The following DYM variants were observed in gnomAD, a reference collection of about 807,000 sequenced individuals.
DYM encodes the protein dyggve-Melchior-Clausen syndrome protein.
Under a neutral mutation model 93.1 loss-of-function variants are expected in DYM, and 78 were observed. The ratio of observed to expected loss-of-function variants is 0.84; its 90% CI spans 0.70 to 1.01. DYM has a LOEUF of 1.01. DYM is among the 50% of genes least tolerant of loss of function. The pLI is 0.00. For missense variants in DYM, 789 were observed against 845.0 expected (o/e 0.93, Z 0.82); for synonymous variants, 321 against 319.7 (o/e 1.00, Z -0.04).
At chr18:49,407,138 T>C (rs916744750) in intron 2 of DYM, among the ~76,000 whole-genome samples, 1 of 152,170 alleles carries the variant, frequency 6.6e-6, no homozygotes, top group Non-Finnish European at 1.5e-5. Context: ...ATAATATTGC[T>C]GAAATAAAAC....
intron 1 of DYM, among the ~76,000 whole-genome samples, chr18:49,441,189 AT>A (rs2081493356): frequency 2.7e-5 from 1 of 36,490 alleles, no homozygotes; most frequent in Non-Finnish European, 4.6e-5. Flanking sequence ...ATATTTATAT[AT>A]AATATATTAT....
At chr18:49,055,156 G>A (rs2075364183) in intron 17 of DYM, among the ~76,000 whole-genome samples, 1 of 152,280 alleles carries the variant, frequency 6.6e-6, no homozygotes, top group East Asian at 1.9e-4. Flanking sequence ...TGGGGTGGGG[G>A]TTGCTGGAAC....
chr18:49,258,835 C>CAGAGAG, intron 11 of DYM, among the ~76,000 whole-genome samples: 1 of 140,450 alleles, frequency 7.1e-6, no homozygotes, highest in Non-Finnish European at 1.5e-5. Context: ...GACACACACA[C>CAGAGAG]ACACAGAGAG....
intron 13 of DYM, among the ~76,000 whole-genome samples, chr18:49,232,600 C>T (rs528594114): frequency 7.6e-6 from 1 of 131,744 alleles, no homozygotes; most frequent in Non-Finnish European, 1.6e-5. Context: ...CTGTGCCCGG[C>T]CTCTTTTTTT....
In DYM at chr18:49,319,093, C is replaced by T. The variant is rs183717051; in HGVS notation, c.763+12771G>A. Among the ~76,000 whole-genome samples the T allele has an allele frequency of 1.1e-3, 162 of 152,186 alleles. 1 individual carries two copies. The highest frequency in any genetic ancestry group is 1.0e-3 in the South Asian group (5 of 4,818). ...GTGCTGGGATTACAGGCGTGAGCCA[C>T]GCAACCGGCCATAAATAGGTAACAT... is the stretch of plus-strand genomic sequence containing the variant. On this transcript the variant is annotated intron_variant, in intron 8 of 17. Coordinates refer to ENST00000675505, the MANE Select transcript of DYM (RefSeq NM_001353214.3).
In DYM at chr18:49,043,884, C is replaced by A; in HGVS notation, c.*171G>T. 1.3e-6 allele frequency: 1 copy of A among 762,430 alleles called. No individual in the cohort carries two copies. Among genetic ancestry groups the A allele is most frequent in the Admixed American group, 2.3e-5 (1 of 42,962 alleles). The allele number at this position is 762,430 out of a possible 1,614,324, so 47.2% of individuals were successfully genotyped here. A position where few individuals can be genotyped will look rare whatever the true frequency, so the allele number is the denominator to read the frequency against. ...ACTATCTACGCTGAGTTATCTATTG[C>A]CAACTAGCACCAATTCTCCAAATCA... is the stretch of plus-strand genomic sequence containing the variant. On this transcript the variant is annotated 3_prime_UTR_variant, in exon 18 of 18. Coordinates refer to ENST00000675505, the MANE Select transcript of DYM (RefSeq NM_001353214.3).
intron 16 of DYM, among the ~76,000 whole-genome samples, chr18:49,114,813 C>T (rs2081778755): frequency 6.6e-6 from 1 of 152,050 alleles, no homozygotes; most frequent in Non-Finnish European, 1.5e-5. Context: ...TATCAATTGC[C>T]TGGTTACTAA....
At chr18:49,355,881 G>A (rs956529668) in intron 6 of DYM, among the ~76,000 whole-genome samples, 2 of 152,064 alleles carry the variant, frequency 1.3e-5, no homozygotes, top group Admixed American at 6.5e-5. Flanking sequence ...TGAAGGTAAA[G>A]GTTTATATAA....
At chr18:49,438,835 G>A (rs907356779) in intron 1 of DYM, among the ~76,000 whole-genome samples, 8 of 152,288 alleles carry the variant, frequency 5.3e-5, no homozygotes, top group African/African-American at 1.9e-4. Flanking sequence ...AGCCCCAATG[G>A]CATCTCTTCT....
chr18:49,168,137 T>C (rs1253446647), intron 14 of DYM, among the ~76,000 whole-genome samples: 3 of 152,056 alleles, frequency 2.0e-5, no homozygotes, highest in African/African-American at 7.2e-5. Flanking sequence ...TATATGGAAA[T>C]GATAAATCCT....
chr18:49,414,264 G>A (rs1307283847), intron 2 of DYM, among the ~76,000 whole-genome samples: 1 of 152,142 alleles, frequency 6.6e-6, no homozygotes, highest in Non-Finnish European at 1.5e-5. Flanking sequence ...GCACAACCCT[G>A]TGAATGTACT....
intron 13 of DYM, among the ~76,000 whole-genome samples, chr18:49,249,433 T>C (rs576556799): frequency 5.9e-4 from 90 of 152,342 alleles, no homozygotes; most frequent in Middle Eastern, 3.4e-3. Flanking sequence ...AATTTGCTTA[T>C]TAATATTCCC....
At chr18:49,151,454 A>G (rs1410939178) in intron 15 of DYM, among the ~76,000 whole-genome samples, 1 of 152,238 alleles carries the variant, frequency 6.6e-6, no homozygotes, top group African/African-American at 2.4e-5. Context: ...AAACTCAAAT[A>G]AAGTGGCATT....
intron 13 of DYM, among the ~76,000 whole-genome samples, chr18:49,219,512 A>G (rs1365426755): frequency 1.3e-5 from 2 of 152,118 alleles, no homozygotes; most frequent in Non-Finnish European, 2.9e-5. Flanking sequence ...CCTCAATAAA[A>G]TACTGGCAAA....
At chr18:49,441,769 G>A (rs1040614621) in intron 1 of DYM, among the ~76,000 whole-genome samples, 2 of 152,054 alleles carry the variant, frequency 1.3e-5, no homozygotes, top group Admixed American at 1.3e-4. Flanking sequence ...CCATGGAGCC[G>A]TGGGAAGGCT....
chr18:49,269,207 A>T (rs1204316941), intron 11 of DYM, among the ~76,000 whole-genome samples: 1 of 152,120 alleles, frequency 6.6e-6, no homozygotes, highest in Non-Finnish European at 1.5e-5. Context: ...ATGTGCTCAA[A>T]ATCACATTTT....
chr18:49,231,216 G>A (rs2093684908), intron 13 of DYM, among the ~76,000 whole-genome samples: 1 of 152,012 alleles, frequency 6.6e-6, no homozygotes, highest in African/African-American at 2.4e-5. Context: ...TAAAGCAATG[G>A]AACCCTTTCT....
chr18:49,384,549 C>G (rs2068387917), intron 3 of DYM, among the ~76,000 whole-genome samples: 1 of 150,274 alleles, frequency 6.7e-6, no homozygotes. Context: ...TGGCTTGAAC[C>G]CAGGAAGTGA....
At chr18:49,272,734 T>C (rs1167110108) in intron 10 of DYM, among the ~76,000 whole-genome samples, 1 of 152,144 alleles carries the variant, frequency 6.6e-6, no homozygotes, top group Non-Finnish European at 1.5e-5. Flanking sequence ...TTTCAAGAAA[T>C]ATATTTTAAA....
Sources: allele counts gnomAD v4.1 joint callset (sites outside exome capture counted in the v4.1 genomes callset), GRCh38; gene constraint gnomAD v4.1.1; transcripts MANE v1.5; gene names NCBI Gene and HGNC (gene_info 2026-07-23, HGNC 2026-07-21).